The following ST3GAL4 variants were observed in gnomAD, a reference collection of about 807,000 sequenced individuals.
ST3GAL4 encodes CMP-N-acetylneuraminate-beta-galactosamide-alpha-2,3-sialyltransferase 4.
Under a neutral mutation model 42.6 loss-of-function variants are expected in ST3GAL4, and 24 were observed. That is an observed-to-expected ratio of 0.56 (90% CI 0.41 to 0.79). The LOEUF is 0.79. ST3GAL4 is among the 30% of genes least tolerant of loss of function. The pLI is 0.00. For synonymous variants in ST3GAL4, 135 were observed against 163.2 expected (o/e 0.83, Z 1.32); for missense variants, 311 against 430.8 (o/e 0.72, Z 2.46).
rs1303387104 is a variant in ST3GAL4 at position 126,413,607 on chromosome 11, A to G, written c.874A>G (p.Thr292Ala). 6.2e-7 allele frequency: 1 copy of G among 1,614,234 alleles called. No individual in the cohort carries two copies. The highest frequency in any genetic ancestry group is 1.1e-5 in the South Asian group (1 of 91,090). Residue 292 changes from threonine (T) to alanine (A), a missense_variant, in exon 10 of 11, where the codon ACC (threonine) becomes GCC (alanine). By Grantham distance (58) the Thr-to-Ala change is moderately conservative. Transcript: ENST00000444328. Reference protein sequence around the residue: ...GYPDAYNKKQTIHYYEQITLK... With the variant: ...GYPDAYNKKQAIHYYEQITLK... ...CCCAGACGCCTACAACAAGAAGCAG[A>G]CCATTCACTACTATGAGCAGATCAC...
intron 1 of ST3GAL4, among the ~76,000 whole-genome samples, chr11:126,395,652 G>T (rs1953715726): frequency 6.6e-6 from 1 of 152,176 alleles, no homozygotes; most frequent in East Asian, 1.9e-4. Flanking sequence ...TCTCCTGGTA[G>T]TAAGTGTCAG....
intron 1 of ST3GAL4, among the ~76,000 whole-genome samples, chr11:126,368,895 G>A (rs1437748527): frequency 6.6e-6 from 1 of 152,110 alleles, no homozygotes; most frequent in East Asian, 1.9e-4. Flanking sequence ...GCACTTTCCT[G>A]TAAATTAGGA....
chr11:126,402,170 T>G (rs1247882091), intron 1 of ST3GAL4, among the ~76,000 whole-genome samples: 1 of 151,164 alleles, frequency 6.6e-6, no homozygotes, highest in African/African-American at 2.4e-5. Context: ...CTGAGGACAG[T>G]GATGGCCGAG....
chr11:126,401,265 G>A (rs867978027), intron 1 of ST3GAL4, among the ~76,000 whole-genome samples: 86 of 152,028 alleles, frequency 5.7e-4, no homozygotes, highest in African/African-American at 2.0e-3. Context: ...CAGTGCCCCC[G>A]AGAATGCCAG....
At chr11:126,356,547 G>A (rs189503763) in intron 1 of ST3GAL4, among the ~76,000 whole-genome samples, 156 of 152,346 alleles carry the variant, frequency 1.0e-3, no homozygotes, top group African/African-American at 3.2e-3. Context: ...TCCCAGTCCT[G>A]GGGGGAGGCT....
At chr11:126,380,878 G>A (rs543469836) in intron 1 of ST3GAL4, among the ~76,000 whole-genome samples, 1 of 152,332 alleles carries the variant, frequency 6.6e-6, no homozygotes, top group Admixed American at 6.5e-5. Flanking sequence ...GTTGGCCAAA[G>A]TAGGGAGATT....
chr11:126,414,323 A>G lies in ST3GAL4; in HGVS notation c.*276A>G, dbSNP rs1396084183. On this transcript the variant is annotated 3_prime_UTR_variant, in exon 11 of 11. Coordinates refer to ENST00000444328, the MANE Select transcript of ST3GAL4 (RefSeq NM_001254757.2). Reference sequence around the variant, plus strand: ...ACCCCCTCTCTGCCAGCACCAAGAGATTATTTAATGGGCTATTTAATTAAG... The same window carrying G: ...ACCCCCTCTCTGCCAGCACCAAGAGGTTATTTAATGGGCTATTTAATTAAG... 1.9e-6 allele frequency: 1 copy of G among 514,134 alleles called. No individual in the cohort carries two copies. The highest frequency in any genetic ancestry group is 1.9e-5 in the African/African-American group (1 of 52,128). 31.8% of individuals were successfully genotyped at this position (514,134 alleles called of 1,614,324 possible). A position where few individuals can be genotyped will look rare whatever the true frequency, so the allele number is the denominator to read the frequency against.
At position 126,363,491 on chromosome 11, in the gene ST3GAL4, C is replaced by G. The variant is rs1471135688; in HGVS notation, c.-61+7649C>G. ...GAGCCCATGGGAGCAGGAGTCAGCT[C>G]CTCCTGTTGGCAGCTCCAGCATTTT... On this transcript the variant is annotated intron_variant, in intron 1 of 10. Coordinates refer to ENST00000444328, the MANE Select transcript of ST3GAL4 (RefSeq NM_001254757.2). This position sits in a 1 kb window ranked among gnomAD's most constrained non-coding sequence, Gnocchi z 4.6. 6.6e-6 allele frequency among the ~76,000 whole-genome samples: 1 copy of G among 152,172 alleles called. No individual in the cohort carries two copies. The highest frequency in any genetic ancestry group is 2.1e-4 in the South Asian group (1 of 4,834).
rs1462568167 is a variant in ST3GAL4 at position 126,359,143 on chromosome 11, T to C, written c.-61+3301T>C. On this transcript the variant is annotated intron_variant, in intron 1 of 10. Coordinates refer to ENST00000444328, the MANE Select transcript of ST3GAL4 (RefSeq NM_001254757.2). This position sits in a 1 kb window ranked among gnomAD's most constrained non-coding sequence, Gnocchi z 4.8. Reference sequence around the variant, plus strand: ...TGGAGAGTGCTAAGGAATGCTGGTCTGCAGCGACCCTACTTGTGCTCTGCG... The same window carrying C: ...TGGAGAGTGCTAAGGAATGCTGGTCCGCAGCGACCCTACTTGTGCTCTGCG... Among the ~76,000 whole-genome samples the C allele has an allele frequency of 6.6e-6, 1 of 152,182 alleles. No homozygotes were observed. Among genetic ancestry groups the C allele is most frequent in the African/African-American group, 2.4e-5 (1 of 41,428 alleles).
At chr11:126,407,548 G>T (rs933722256) in intron 5 of ST3GAL4, 26 bp from the exon 6 acceptor site, 22 of 1,614,030 alleles carry the variant, frequency 1.4e-5, no homozygotes, top group Non-Finnish European at 1.9e-5. Flanking sequence ...TGTCACATCA[G>T]TCCCTCCGCC....
At position 126,397,262 on chromosome 11, in the gene ST3GAL4, C is replaced by G. The variant is rs1184681362; in HGVS notation, c.-60-8834C>G. On this transcript the variant is annotated intron_variant, in intron 1 of 10. Transcript: ENST00000444328. The surrounding 1 kb of genome is among the most constrained non-coding windows in gnomAD (Gnocchi z 5.0). ...CTGGAGATACAAAGAAGTTCCTGAC[C>G]ACAGAGGTCATTTAGGCAAGCTAGG... Among the ~76,000 whole-genome samples, 2 of 152,008 alleles carry G rather than the reference C, an allele frequency of 1.3e-5. No individual in the cohort carries two copies. Among genetic ancestry groups the G allele is most frequent in the Non-Finnish European group, 2.9e-5 (2 of 68,018 alleles).
Position 126,391,725 on chromosome 11 carries a change from T to TG in ST3GAL4, c.-60-14367dup, listed in dbSNP as rs1953520872. On this transcript the variant is annotated intron_variant, in intron 1 of 10. Coordinates refer to ENST00000444328, the MANE Select transcript of ST3GAL4 (RefSeq NM_001254757.2). The surrounding 1 kb of genome is among the most constrained non-coding windows in gnomAD (Gnocchi z 5.5). ...GAGCTGAGTGTGATTGGGGTCGTGG[T>TG]GGGGCCAGTGGCAGTGGATCTCTCT... 6.6e-6 allele frequency among the ~76,000 whole-genome samples: 1 copy of TG among 152,044 alleles called. No homozygotes were observed. Among genetic ancestry groups the TG allele is most frequent in the Admixed American group, 6.6e-5 (1 of 15,264 alleles).
intron 1 of ST3GAL4, among the ~76,000 whole-genome samples, chr11:126,368,029 T>C (rs1308204201): frequency 6.6e-6 from 1 of 151,388 alleles, no homozygotes; most frequent in Non-Finnish European, 1.5e-5. Flanking sequence ...GCGCCTGTGA[T>C]CCCAGCTACT....
chr11:126,407,279 G>T lies in ST3GAL4; in HGVS notation c.210G>T (p.Leu70=), dbSNP rs1018525318. ...ACTCCCGGGATCAGCCCATCTTCCTGCGGCTTGAGGATTATTTCTGGGTCA... is the reference window on the plus strand; with the variant it reads ...ACTCCCGGGATCAGCCCATCTTCCTTCGGCTTGAGGATTATTTCTGGGTCA... ...GNYSRDQPIF[L]RLEDYFWVKT... Residue 70 remains leucine, a synonymous_variant, in exon 5 of 11, where the codon CTG becomes CTT. Coordinates refer to ENST00000444328, the MANE Select transcript of ST3GAL4 (RefSeq NM_001254757.2). 1 of 1,614,076 alleles carries T rather than the reference G, an allele frequency of 6.2e-7. No homozygotes were observed. The highest frequency in any genetic ancestry group is 8.5e-7 in the Non-Finnish European group (1 of 1,180,044).
chr11:126,383,977 C>G lies in ST3GAL4; in HGVS notation c.-60-22119C>G, dbSNP rs1420933010. 6.6e-6 allele frequency among the ~76,000 whole-genome samples: 1 copy of G among 152,112 alleles called. No homozygotes were observed. Among genetic ancestry groups the G allele is most frequent in the Non-Finnish European group, 1.5e-5 (1 of 68,014 alleles). On this transcript the variant is annotated intron_variant, in intron 1 of 10. Transcript: ENST00000444328. The surrounding 1 kb of genome is among the most constrained non-coding windows in gnomAD (Gnocchi z 4.5). ...AGGGTGGAGGGCTTGCTTTTCCTGC[C>G]CACCCTCATCTTTGCCGAGTCCTCG...
chr11:126,371,024 C>A (rs1210990482), intron 1 of ST3GAL4, among the ~76,000 whole-genome samples: 1 of 151,636 alleles, frequency 6.6e-6, no homozygotes, highest in Admixed American at 6.6e-5. Flanking sequence ...ATATAACAGA[C>A]CTCCATGTGA....
rs1952039953 is a variant in ST3GAL4 at position 126,355,799 on chromosome 11, C to A, written c.-104C>A. The stretch of plus-strand genomic sequence containing the variant: ...GGTCGGTGCGCCTAGCGGATCGGAG[C>A]TGCGCGCGGAACCGTGCTGCCCCGC... On this transcript the variant is annotated 5_prime_UTR_variant, in exon 1 of 11. It adds an upstream start codon to the 5' untranslated region. Coordinates refer to ENST00000444328, the MANE Select transcript of ST3GAL4 (RefSeq NM_001254757.2). This position sits in a 1 kb window ranked among gnomAD's most constrained non-coding sequence, Gnocchi z 7.1. 1 of 151,198 alleles carries A rather than the reference C, an allele frequency of 6.6e-6. No homozygotes were observed. The highest frequency in any genetic ancestry group is 1.5e-5 in the Non-Finnish European group (1 of 67,716). 9.4% of individuals were successfully genotyped at this position (151,198 alleles called of 1,614,324 possible). A position where few individuals can be genotyped will look rare whatever the true frequency, so the allele number is the denominator to read the frequency against.
At chr11:126,367,802 A>G (rs1030194075) in intron 1 of ST3GAL4, among the ~76,000 whole-genome samples, 11 of 152,100 alleles carry the variant, frequency 7.2e-5, no homozygotes, top group African/African-American at 2.4e-4. Context: ...CCCATCTGTA[A>G]ATGAGAATGA....
At chr11:126,360,829 C>T (rs1157209214) in intron 1 of ST3GAL4, among the ~76,000 whole-genome samples, 1 of 152,232 alleles carries the variant, frequency 6.6e-6, no homozygotes, top group Non-Finnish European at 1.5e-5. Flanking sequence ...GGAAATGCAG[C>T]TCAGGTATGC....
Sources: allele counts gnomAD v4.1 joint callset (sites outside exome capture counted in the v4.1 genomes callset), GRCh38; gene constraint gnomAD v4.1.1; non-coding constraint Gnocchi (gnomAD v3.1); transcripts MANE v1.5; gene names NCBI Gene and HGNC (gene_info 2026-07-23, HGNC 2026-07-21).